Variants in CTNS observed in about 807,000 individuals in gnomAD.
CTNS encodes the protein cystinosin, lysosomal cystine transporter, also known as cystinosin.
CTNS carries 27 observed loss-of-function variants against 43.7 expected under a neutral mutation model. That is an observed-to-expected ratio of 0.62 (90% CI 0.46 to 0.85). CTNS has a LOEUF of 0.85. Ranked by LOEUF, CTNS falls within the 40% of genes least tolerant of loss-of-function variation. CTNS has a pLI of 0.00. For missense variants in CTNS, 457 were observed against 475.4 expected, an observed-to-expected ratio of 0.96 and a Z score of 0.36; for synonymous variants, 187 against 190.6, an observed-to-expected ratio of 0.98 and a Z score of 0.16.
chr17:3,643,052 C>T lies in CTNS; in HGVS notation c.61+2785C>T, dbSNP rs567501693. Among the ~76,000 whole-genome samples, 5 of 152,186 alleles carry T rather than the reference C, an allele frequency of 3.3e-5. No homozygotes were observed. The South Asian group carries it at 6.2e-4, about 19-fold the overall frequency. ...TACCTCGGCCTGGCGCGTTGGCTCACGCCTGTAATCCCAGCCCTTTGGGAG... is the reference window on the plus strand; with the variant it reads ...TACCTCGGCCTGGCGCGTTGGCTCATGCCTGTAATCCCAGCCCTTTGGGAG... On this transcript the variant is annotated intron_variant, in intron 3 of 11. Transcript: ENST00000046640.
At position 3,660,874 on chromosome 17, in the gene CTNS, C is replaced by A. The variant is rs546509173; in HGVS notation, c.*505C>A. ...TTGGGGTTAGGCCATGGGGCTCTTT[C>A]TCTGAAGGCCACTTTCCTGACGTAC... On this transcript the variant is annotated 3_prime_UTR_variant, in exon 12 of 12. Coordinates refer to ENST00000046640, the MANE Select transcript of CTNS (RefSeq NM_004937.3). 53 of 1,276,896 alleles carry A rather than the reference C, an allele frequency of 4.2e-5. No homozygotes were observed. The African/African-American group carries it at 6.0e-4, about 15-fold the overall frequency. The allele number at this position is 1,276,896 out of a possible 1,614,324, so 79.1% of individuals were successfully genotyped here.
chr17:3,657,196 G>A (rs953718440), intron 9 of CTNS, among the ~76,000 whole-genome samples: 1 of 152,170 alleles, frequency 6.6e-6, no homozygotes, highest in African/African-American at 2.4e-5. Context: ...GGAGGGGAGG[G>A]GCCAGGGTGG....
At chr17:3,639,567 C>G (rs1415962808) in intron 2 of CTNS, among the ~76,000 whole-genome samples, 1 of 151,532 alleles carries the variant, frequency 6.6e-6, no homozygotes, top group Non-Finnish European at 1.5e-5. Flanking sequence ...ACTCAGGAGG[C>G]TGAGGCACAA....
At chr17:3,649,589 C>T (rs914169810) in intron 5 of CTNS, among the ~76,000 whole-genome samples, 1 of 152,142 alleles carries the variant, frequency 6.6e-6, no homozygotes, top group Non-Finnish European at 1.5e-5. Flanking sequence ...AAAGTCAGCA[C>T]ACTAGCAAGA....
intron 10 of CTNS, among the ~76,000 whole-genome samples, chr17:3,658,499 C>T (rs1255093243): frequency 6.6e-6 from 1 of 152,210 alleles, no homozygotes; most frequent in Admixed American, 6.5e-5. Context: ...CCTCCATTTC[C>T]ACAGCAGGAC....
At chr17:3,639,197 A>ACAGAAATCCATGCC (rs2075619840) in intron 2 of CTNS, among the ~76,000 whole-genome samples, 1 of 152,152 alleles carries the variant, frequency 6.6e-6, no homozygotes, top group South Asian at 2.1e-4. Flanking sequence ...AGACCAAGCT[A>ACAGAAATCCATGCC]CAGAAATCCA....
intron 3 of CTNS, among the ~76,000 whole-genome samples, chr17:3,643,535 C>T (rs1597609115): frequency 2.6e-5 from 4 of 152,030 alleles, no homozygotes; most frequent in South Asian, 2.1e-4. Context: ...TTGACACCAG[C>T]GTGAGCGACA....
In CTNS at chr17:3,659,899, C is replaced by T; in HGVS notation, c.894C>T (p.Ser298=). 6.2e-7 allele frequency: 1 copy of T among 1,613,980 alleles called. No individual in the cohort carries two copies. Among genetic ancestry groups the T allele is most frequent in the Non-Finnish European group, 8.5e-7 (1 of 1,179,984 alleles). Residue 298 remains serine (S), a synonymous_variant, in exon 11 of 12, where the codon AGC becomes AGT. Transcript: ENST00000046640. ...NFYYKSTEGW[S]IGNVLLDFTG... ...ACTACAAAAGCACTGAGGGCTGGAG[C>T]ATTGGCAACGTGCTCCTGGACTTCA...
chr17:3,641,355 G>GATATATATATATATATAT (rs1329463765), intron 3 of CTNS, among the ~76,000 whole-genome samples: 1 of 64,062 alleles, frequency 1.6e-5, no homozygotes, highest in East Asian at 5.2e-4. Context: ...ACAAAAATCA[G>GATATATATATATATATAT]ATACATATAT....
Position 3,659,900 on chromosome 17 carries a change from A to G in CTNS, c.895A>G (p.Ile299Val). The change falls in exon 11 of 12, where the codon ATT becomes GTT. Residue 299 changes from isoleucine to valine, a missense_variant. Transcript: ENST00000046640. ...CTACAAAAGCACTGAGGGCTGGAGC[A>G]TTGGCAACGTGCTCCTGGACTTCAC... ...FYYKSTEGWS[I>V]GNVLLDFTGG... The G allele has an allele frequency of 6.2e-7, 1 of 1,614,010 alleles. No homozygotes were observed. The highest frequency in any genetic ancestry group is 8.5e-7 in the Non-Finnish European group (1 of 1,180,018).
upstream of CTNS, chr17:3,636,575 T>A (rs577929057): frequency 5.4e-5 from 13 of 242,366 alleles, no homozygotes; most frequent in East Asian, 1.1e-3. Context: ...TCATCTTCCC[T>A]CACGCCGGAG....
intron 3 of CTNS, among the ~76,000 whole-genome samples, 188 bp from the exon 4 acceptor site, chr17:3,647,256 A>G (rs928633586): frequency 1.2e-4 from 19 of 152,118 alleles, no homozygotes; most frequent in African/African-American, 4.6e-4. Context: ...GTTTTCCTCC[A>G]TCTCTGTCTC....
At chr17:3,652,155 G>C (rs1567706599) in intron 5 of CTNS, among the ~76,000 whole-genome samples, 1 of 152,316 alleles carries the variant, frequency 6.6e-6, no homozygotes, top group South Asian at 2.1e-4. Context: ...GAACATGGGA[G>C]TTGAGTGGTC....
chr17:3,647,346 AG>A, intron 3 of CTNS, 97 bp from the exon 4 acceptor site: 1 of 999,906 alleles, frequency 1.0e-6, no homozygotes, highest in Non-Finnish European at 1.6e-6. Flanking sequence ...AGAGAGTCAG[AG>A]CTCAGGAGTT....
At chr17:3,648,698 T>C in intron 4 of CTNS, 149 bp from the exon 5 acceptor site, 1 of 734,832 alleles carries the variant, frequency 1.4e-6, no homozygotes, top group East Asian at 2.6e-5. Context: ...GGGAGCACGA[T>C]TTCCACCTGG....
At chr17:3,659,547 G>C (rs1176965008) in intron 10 of CTNS, among the ~76,000 whole-genome samples, 2 of 152,254 alleles carry the variant, frequency 1.3e-5, no homozygotes, top group Non-Finnish European at 2.9e-5. Flanking sequence ...AACTAGCACA[G>C]GGCCTTGGCC....
intron 3 of CTNS, among the ~76,000 whole-genome samples, chr17:3,641,367 T>G (rs1426312504): frequency 0.038 from 812 of 21,102 alleles, 39 homozygotes; most frequent in African/African-American, 0.055. Flanking sequence ...TACATATATA[T>G]ATATATATAT....
Position 3,658,143 on chromosome 17 carries a change from C to T in CTNS, c.820C>T (p.Leu274Phe). ...QFLFCFSYIK[L>F]AVTLVKYFPQ... ...TCTCTTCTGCTTCTCCTACATCAAG[C>T]TCGCAGTCACGCTGGTCAAGTATTT... The change falls in exon 10 of 12, where the codon CTC (leucine) becomes TTC (phenylalanine). Residue 274 changes from leucine (L) to phenylalanine (F), a missense_variant. Physicochemically the swap from Leu to Phe is conservative, Grantham distance 22. Coordinates refer to ENST00000046640, the MANE Select transcript of CTNS (RefSeq NM_004937.3). 6.2e-7 allele frequency: 1 copy of T among 1,612,416 alleles called. No individual in the cohort carries two copies.
At chr17:3,642,516 C>T (rs12453633) in intron 3 of CTNS, among the ~76,000 whole-genome samples, 34,727 of 151,888 alleles carry the variant, frequency 0.23, 4,812 homozygotes, top group East Asian at 0.5. Context: ...GGTGAAACCC[C>T]GTCTCTACTA....
Sources: gnomAD v4.1 joint callset for allele counts (sites outside exome capture counted in the v4.1 genomes callset) on GRCh38, gnomAD v4.1.1 for gene constraint, MANE v1.5 for transcripts, NCBI Gene and HGNC (gene_info 2026-07-23, HGNC 2026-07-21) for gene names.